The following C4BPA variants were observed in gnomAD, a reference collection of about 807,000 sequenced individuals.
C4BPA encodes C4b-binding protein alpha chain.
C4BPA carries 31 observed loss-of-function variants against 63.7 expected under a neutral mutation model. The observed-to-expected ratio is 0.49, with a 90% confidence interval of 0.37 to 0.66. The LOEUF (loss-of-function observed/expected upper bound fraction) is 0.66. C4BPA is among the 30% of genes least tolerant of loss of function. C4BPA has a pLI of 0.00. For synonymous variants in C4BPA, 259 were observed against 254.7 expected (o/e 1.02, Z -0.16); for missense variants, 572 against 723.3 (o/e 0.79, Z 2.40).
chr1:207,114,485 CTTTTTTTTTT>C (rs34895847), intron 3 of C4BPA, among the ~76,000 whole-genome samples, 200 bp downstream of exon 3: 2 of 59,538 alleles, frequency 3.4e-5, no homozygotes, highest in East Asian at 4.9e-4. Flanking sequence ...TAACTCTGTT[CTTTTTTTTTT>C]TTTTTTTTTT....
chr1:207,133,435 A>C (rs546340873), intron 8 of C4BPA, among the ~76,000 whole-genome samples: 54 of 152,342 alleles, frequency 3.5e-4, no homozygotes, highest in Middle Eastern at 3.4e-3. Context: ...GAATAAAAAA[A>C]TATGTCCCTA....
Position 207,114,417 on chromosome 1 carries a change from T to C in C4BPA, c.328+132T>C, listed in dbSNP as rs989536462. 6.7e-6 allele frequency: 4 copies of C among 593,342 alleles called. No homozygotes were observed. The African/African-American group carries it at 7.9e-5, about 12-fold the overall frequency. The allele number at this position is 593,342 out of a possible 1,614,324, so 36.8% of individuals were successfully genotyped here. ...TTACTGATTTCAATGTACATACTTG[T>C]GGCATTTTTTGAAAAAGCAAAACAG... On this transcript the variant is annotated intron_variant, in intron 3 of 11. Transcript: ENST00000367070.
At chr1:207,138,869 G>A (rs1464023777) in intron 9 of C4BPA, among the ~76,000 whole-genome samples, 2 of 152,112 alleles carry the variant, frequency 1.3e-5, no homozygotes, top group East Asian at 3.8e-4. Context: ...CTGAACCTTG[G>A]ACCTCTGAAA....
intron 1 of C4BPA, among the ~76,000 whole-genome samples, chr1:207,105,356 G>A (rs577719902): frequency 3.1e-4 from 47 of 152,130 alleles, no homozygotes; most frequent in African/African-American, 1.1e-3. Context: ...TCGGGAGTTC[G>A]AGACCAGCCT....
At chr1:207,138,220 G>A (rs1023672201) in intron 9 of C4BPA, among the ~76,000 whole-genome samples, 2 of 152,242 alleles carry the variant, frequency 1.3e-5, no homozygotes, top group African/African-American at 4.8e-5. Flanking sequence ...AGGCACTCCT[G>A]CCATAGTGGC....
chr1:207,113,206 A>G (rs1684706844), intron 2 of C4BPA, 39 bp downstream of exon 2: 2 of 1,597,708 alleles, frequency 1.3e-6, no homozygotes, highest in East Asian at 4.5e-5. Context: ...GCAACAAACA[A>G]TGAAGATCAT....
At chr1:207,132,262 T>C (rs756300918) in intron 8 of C4BPA, among the ~76,000 whole-genome samples, 1 of 152,202 alleles carries the variant, frequency 6.6e-6, no homozygotes, top group Non-Finnish European at 1.5e-5. Flanking sequence ...TTCGTAAGGA[T>C]AGAAAGGAGA....
chr1:207,142,388 A>C (rs932987134), intron 10 of C4BPA, among the ~76,000 whole-genome samples: 3 of 152,170 alleles, frequency 2.0e-5, no homozygotes, highest in African/African-American at 7.2e-5. Context: ...ATACGTGTGC[A>C]TGTGTCTTTA....
At chr1:207,112,910 C>A in intron 1 of C4BPA, 91 bp from the exon 2 acceptor site, 1 of 1,233,864 alleles carries the variant, frequency 8.1e-7, no homozygotes, top group Non-Finnish European at 1.1e-6. Flanking sequence ...CTGTCATTTC[C>A]TTGAAGACAT....
chr1:207,126,928 T>C, intron 7 of C4BPA, 33 bp downstream of exon 7: 1 of 1,570,578 alleles, frequency 6.4e-7, no homozygotes, highest in Non-Finnish European at 8.7e-7. Flanking sequence ...TTTCAATGTT[T>C]GGCATCTAAA....
At chr1:207,109,590 C>T (rs1167765405) in intron 1 of C4BPA, among the ~76,000 whole-genome samples, 2 of 152,216 alleles carry the variant, frequency 1.3e-5, no homozygotes, top group East Asian at 3.8e-4. Flanking sequence ...AGAGCCCATG[C>T]CCAAGGTCTT....
intron 1 of C4BPA, among the ~76,000 whole-genome samples, chr1:207,112,100 T>C (rs77950172): frequency 2.6e-5 from 4 of 151,472 alleles, no homozygotes; most frequent in African/African-American, 9.7e-5. Flanking sequence ...GTGATGAAGA[T>C]TAAAAAAAAA....
chr1:207,113,152 T>C lies in C4BPA; in HGVS notation c.127T>C (p.Leu43=), dbSNP rs773740454. The C allele has an allele frequency of 6.2e-7, 1 of 1,610,952 alleles. No individual in the cohort carries two copies. Among genetic ancestry groups the C allele is most frequent in the Non-Finnish European group, 8.5e-7 (1 of 1,178,846 alleles). Residue 43 remains leucine, a synonymous_variant, in exon 2 of 12, where the codon TTG becomes CTG. Coordinates refer to ENST00000367070, the MANE Select transcript of C4BPA (RefSeq NM_000715.4). ...CCAAATGACCTTGATCGCTGCTCTGTTGCCTGCTGTTCTTGGTGAGTAGTG... is the reference window on the plus strand; with the variant it reads ...CCAAATGACCTTGATCGCTGCTCTGCTGCCTGCTGTTCTTGGTGAGTAGTG... ...LFQMTLIAAL[L]PAVLGNCGPP...
chr1:207,118,272 T>C (rs1210289565), intron 4 of C4BPA, among the ~76,000 whole-genome samples: 2 of 147,910 alleles, frequency 1.4e-5, no homozygotes, highest in East Asian at 3.9e-4. Flanking sequence ...GATTTCTGCA[T>C]GTTAGTTTGA....
At chr1:207,107,187 G>A (rs1572771599) in intron 1 of C4BPA, among the ~76,000 whole-genome samples, 1 of 152,204 alleles carries the variant, frequency 6.6e-6, no homozygotes, top group East Asian at 1.9e-4. Flanking sequence ...AGTGAGTAAA[G>A]GAGAAGTTGG....
At chr1:207,138,883 G>T (rs2808472) in intron 9 of C4BPA, among the ~76,000 whole-genome samples, 150,774 of 152,332 alleles carry the variant, frequency 0.99, 74,614 homozygotes, top group African/African-American at 1. Flanking sequence ...TCTGAAAATT[G>T]TATTGATGTG....
chr1:207,126,263 A>T (rs1685042021), intron 6 of C4BPA, among the ~76,000 whole-genome samples: 1 of 148,038 alleles, frequency 6.8e-6, no homozygotes, highest in Non-Finnish European at 1.5e-5. Context: ...TGTATATATA[A>T]ATATATATTA....
intron 7 of C4BPA, among the ~76,000 whole-genome samples, chr1:207,129,446 C>T (rs1438996937): frequency 1.5e-5 from 2 of 135,732 alleles, no homozygotes; most frequent in Non-Finnish European, 3.2e-5. Flanking sequence ...AAGAACAAAA[C>T]AACACATTAA....
intron 9 of C4BPA, 78 bp downstream of exon 9, chr1:207,134,670 A>T (rs920188907): frequency 7.9e-5 from 83 of 1,044,736 alleles, no homozygotes; most frequent in Admixed American, 2.5e-5. Flanking sequence ...GAAGGTTTAA[A>T]ATTAGGTAAA....
Sources: gnomAD v4.1 joint callset for allele counts (sites outside exome capture counted in the v4.1 genomes callset) on GRCh38, gnomAD v4.1.1 for gene constraint, MANE v1.5 for transcripts, NCBI Gene and HGNC (gene_info 2026-07-23, HGNC 2026-07-21) for gene names.